Variants in MNS1 observed in about 807,000 individuals in gnomAD.
The protein encoded by MNS1 is meiosis specific nuclear structural 1, also known as meiosis-specific nuclear structural protein 1.
MNS1 carries 63 observed loss-of-function variants against 72.0 expected under a neutral mutation model. That is an observed-to-expected ratio of 0.87 (90% CI 0.71 to 1.08). MNS1 has a LOEUF of 1.08. MNS1 is among the 50% of genes least tolerant of loss of function. MNS1 has a pLI of 0.00. For missense variants in MNS1, 604 were observed against 562.4 expected (o/e 1.07, Z -0.75); for synonymous variants, 188 against 172.1 (o/e 1.09, Z -0.72).
intron 7 of MNS1, among the ~76,000 whole-genome samples, chr15:56,441,235 T>G (rs1422533295): frequency 2.0e-5 from 3 of 152,150 alleles, no homozygotes; most frequent in Non-Finnish European, 4.4e-5. Context: ...TTAATTCCAC[T>G]GTAGTCAGAA....
Position 56,431,375 on chromosome 15 carries a change from T to G in MNS1, c.1393A>C (p.Lys465Gln). ...HATNLLGYLP[K>Q]GVFKKEDDID... is the part of the protein sequence containing the mutation. ...AACTTGAGATAAATCTCACTTACTT[T>G]AGGGAGATAGCCTAGTAAGTTTGTA... Residue 465 changes from lysine to glutamine, a missense_variant and splice_region_variant, in exon 9 of 10, where the codon AAA becomes CAA. Lys to Gln is a moderately conservative substitution (Grantham distance 53). Transcript: ENST00000260453. 6.2e-7 allele frequency: 1 copy of G among 1,611,252 alleles called. No homozygotes were observed. The highest frequency in any genetic ancestry group is 1.9e-4 in the Middle Eastern group (1 of 5,278).
At chr15:56,455,042 T>C (rs2050971765) in intron 3 of MNS1, among the ~76,000 whole-genome samples, 1 of 152,086 alleles carries the variant, frequency 6.6e-6, no homozygotes, top group Non-Finnish European at 1.5e-5. Context: ...AGCAGAAACC[T>C]CTAGAGGAAA....
In MNS1 at chr15:56,444,456, T is replaced by A; in HGVS notation, c.674A>T (p.Glu225Val). The change falls in exon 5 of 10, where the codon GAA becomes GTA. Residue 225 changes from glutamate to valine, a missense_variant. Glu to Val is a moderately radical substitution (Grantham distance 121). Transcript: ENST00000260453. ...AGGATAAACTTACAACTGATCTTCTTCATAGATCTTCCTAACAATTTCATC... is the reference window on the plus strand; with the variant it reads ...AGGATAAACTTACAACTGATCTTCTACATAGATCTTCCTAACAATTTCATC... ...MIDEIVRKIYEEDQLEKQQKL... is the reference protein window; with the variant it reads ...MIDEIVRKIYVEDQLEKQQKL... 6.2e-7 allele frequency: 1 copy of A among 1,605,932 alleles called. No individual in the cohort carries two copies.
chr15:56,430,300 A>G lies in MNS1; in HGVS notation c.1395+1073T>C, dbSNP rs560265047. Among the ~76,000 whole-genome samples, 5 of 152,268 alleles carry G rather than the reference A, an allele frequency of 3.3e-5. No individual in the cohort carries two copies. In the East Asian group the frequency reaches 9.6e-4, roughly 29 times the overall value. ...TGGGTCACTGCAGCTTCAACTTTCC[A>G]GGCTCAAGCAATCTTCCAACCTCAG... On this transcript the variant is annotated intron_variant, in intron 9 of 9. Coordinates refer to ENST00000260453, the MANE Select transcript of MNS1 (RefSeq NM_018365.4).
chr15:56,454,486 T>C (rs1278476504), intron 3 of MNS1, among the ~76,000 whole-genome samples: 2 of 152,292 alleles, frequency 1.3e-5, no homozygotes, highest in African/African-American at 4.8e-5. Flanking sequence ...AAATCTGTTA[T>C]CTTTTAATTT....
In MNS1 at chr15:56,428,750, T is replaced by G. The variant is rs1299632987; in HGVS notation, c.*351A>C. On this transcript the variant is annotated 3_prime_UTR_variant, in exon 10 of 10. Coordinates refer to ENST00000260453, the MANE Select transcript of MNS1 (RefSeq NM_018365.4). ...TTAAAAGAAAATTCCAAATATTTAT[T>G]TCCCTGGCTAAATCAAGTAAGTAAA... 5.6e-6 allele frequency: 2 copies of G among 354,014 alleles called. No individual in the cohort carries two copies. The highest frequency in any genetic ancestry group is 2.1e-5 in the African/African-American group (1 of 47,702). The allele number at this position is 354,014 out of a possible 1,614,324, so 21.9% of individuals were successfully genotyped here. A position where few individuals can be genotyped will look rare whatever the true frequency, so the allele number is the denominator to read the frequency against.
At chr15:56,432,731 C>G (rs1274212719) in intron 8 of MNS1, among the ~76,000 whole-genome samples, 1 of 152,142 alleles carries the variant, frequency 6.6e-6, no homozygotes, top group African/African-American at 2.4e-5. Context: ...AAGTACTAAC[C>G]AGGCCTGATC....
At chr15:56,453,454 T>A (rs2050961470) in intron 3 of MNS1, among the ~76,000 whole-genome samples, 1 of 152,150 alleles carries the variant, frequency 6.6e-6, no homozygotes, top group African/African-American at 2.4e-5. Context: ...AGCTTGATTA[T>A]CAGTCCAGAA....
intron 7 of MNS1, among the ~76,000 whole-genome samples, chr15:56,437,882 A>C (rs1347252516): frequency 1.3e-5 from 2 of 152,172 alleles, no homozygotes; most frequent in African/African-American, 4.8e-5. Context: ...CAAAGAGAAT[A>C]AAATACCTAG....
Position 56,460,009 on chromosome 15 carries a change from A to AAAAATATATATATATATATATAT in MNS1, c.226-3489_226-3488insATATATATATATATATATATTTT. Among the ~76,000 whole-genome samples, 12 of 26,382 alleles carry AAAAATATATATATATATATATAT rather than the reference A, an allele frequency of 4.5e-4. 1 individual carries two copies. The highest frequency in any genetic ancestry group is 1.5e-3 in the South Asian group (1 of 674). 17.3% of individuals were successfully genotyped at this position (26,382 alleles called of 152,430 possible). A position where few individuals can be genotyped will look rare whatever the true frequency, so the allele number is the denominator to read the frequency against. ...CTGTCTCAAAAAAAAAAAAAAAAAA[A>AAAAATATATATATATATATATAT]ATACATATATATATATATATATATA... On this transcript the variant is annotated intron_variant, in intron 2 of 9. Coordinates refer to ENST00000260453, the MANE Select transcript of MNS1 (RefSeq NM_018365.4).
At chr15:56,436,995 T>C (rs946071462) in intron 7 of MNS1, among the ~76,000 whole-genome samples, 6 of 152,120 alleles carry the variant, frequency 3.9e-5, no homozygotes, top group African/African-American at 1.4e-4. Flanking sequence ...CAGGACCAGA[T>C]GGATTCACAG....
In MNS1 at chr15:56,450,110, T is replaced by G. The variant is rs529576331; in HGVS notation, c.354-3167A>C. 1.4e-3 allele frequency among the ~76,000 whole-genome samples: 220 copies of G among 152,320 alleles called. 1 individual carries two copies. The highest frequency in any genetic ancestry group is 4.9e-3 in the African/African-American group (205 of 41,570). On this transcript the variant is annotated intron_variant, in intron 3 of 9. Transcript: ENST00000260453. ...TTTTGTAATCATTCCAGAAGAGAAT[T>G]TGCAGTTTGTTTTCTAGTAATTCCA...
intron 7 of MNS1, among the ~76,000 whole-genome samples, chr15:56,439,200 CT>C (rs2050778619): frequency 6.6e-6 from 1 of 152,046 alleles, no homozygotes; most frequent in Admixed American, 6.6e-5. Flanking sequence ...AAATGAAACA[CT>C]TAGATGTAAC....
chr15:56,431,264 A>C, intron 9 of MNS1, 109 bp downstream of exon 9: 1 of 1,306,622 alleles, frequency 7.7e-7, no homozygotes, highest in Non-Finnish European at 1.1e-6. Context: ...TTGCTGCTTC[A>C]TAACCGAGCA....
chr15:56,447,719 A>G (rs1368005961), intron 3 of MNS1: 2 of 152,214 alleles, frequency 1.3e-5, no homozygotes, highest in Non-Finnish European at 2.9e-5. Context: ...AAGTTTTTAC[A>G]TATGTATGCA....
rs557430581 is a variant in MNS1 at position 56,448,709 on chromosome 15, C to CT, written c.354-1767dup. On this transcript the variant is annotated intron_variant, in intron 3 of 9. Transcript: ENST00000260453. The stretch of plus-strand genomic sequence containing the variant: ...AGCAATAAACATATAAATGCATATG[C>CT]TTTTTTTGGTAGAATGATTTGCTAA... Among the ~76,000 whole-genome samples, 45 of 146,240 alleles carry CT rather than the reference C, an allele frequency of 3.1e-4. 1 individual carries two copies. Among genetic ancestry groups the CT allele is most frequent in the African/African-American group, 1.1e-3 (43 of 39,760 alleles).
At chr15:56,458,670 C>A (rs2050996668) in intron 2 of MNS1, among the ~76,000 whole-genome samples, 1 of 152,148 alleles carries the variant, frequency 6.6e-6, no homozygotes, top group Non-Finnish European at 1.5e-5. Flanking sequence ...ATAGTTTTGC[C>A]TTTCCCAGAA....
At chr15:56,439,037 A>G (rs1295509985) in intron 7 of MNS1, among the ~76,000 whole-genome samples, 1 of 152,122 alleles carries the variant, frequency 6.6e-6, no homozygotes, top group Non-Finnish European at 1.5e-5. Flanking sequence ...GGCAGAAGAC[A>G]TGCCTGACTA....
chr15:56,457,717 A>G (rs1270507812), intron 2 of MNS1, among the ~76,000 whole-genome samples: 5 of 151,556 alleles, frequency 3.3e-5, no homozygotes, highest in African/African-American at 1.2e-4. Context: ...CAGGAGGTTG[A>G]GGTAGGAGGA....
Sources: gnomAD v4.1 joint callset for allele counts (sites outside exome capture counted in the v4.1 genomes callset) on GRCh38, gnomAD v4.1.1 for gene constraint, MANE v1.5 for transcripts, NCBI Gene and HGNC (gene_info 2026-07-23, HGNC 2026-07-21) for gene names.